The following CPNE2 variants were observed in gnomAD, a reference collection of about 807,000 sequenced individuals.
The protein encoded by CPNE2 is copine-2.
In CPNE2, 42 loss-of-function variants were observed where a neutral mutation model predicts 69.7. The observed-to-expected ratio is 0.60, with a 90% CI of 0.47 to 0.78. The LOEUF is 0.78. Among genes scored for constraint, CPNE2 ranks in the 30% least tolerant of loss-of-function variants. The pLI is 0.00. For missense variants in CPNE2, 587 were observed against 732.0 expected, an observed-to-expected ratio of 0.80 and a Z score of 2.29; for synonymous variants, 294 against 289.8, an observed-to-expected ratio of 1.01 and a Z score of -0.15.
rs751339795 is a variant in CPNE2 at position 57,125,826 on chromosome 16, G to A, written c.928-34G>A. On this transcript the variant is annotated intron_variant, in intron 10 of 15. Coordinates refer to ENST00000290776, the MANE Select transcript of CPNE2 (RefSeq NM_152727.6). The stretch of plus-strand genomic sequence containing the variant: ...GTGGGATAGGGTGCTGGGGTCTCTG[G>A]CCCCACTGGGTGGCCTTTTTCTCCA... 32 of 1,613,068 alleles carry A rather than the reference G, an allele frequency of 2.0e-5. 2 individuals carry two copies. In the South Asian group the frequency reaches 3.2e-4, roughly 16 times the overall value.
Position 57,146,293 on chromosome 16 carries a change from A to C in CPNE2, c.1511A>C (p.Gln504Pro). Reference sequence around the variant, plus strand: ...GAGGAGGCAGCCCGCGATATTGTGCAGTTCGTTCCCTTTCGAGAGTTCCGC... The same window carrying C: ...GAGGAGGCAGCCCGCGATATTGTGCCGTTCGTTCCCTTTCGAGAGTTCCGC... ...TGEEAARDIV[Q>P]FVPFREFRNA... The change falls in exon 15 of 16, where the codon CAG becomes CCG. Residue 504 changes from glutamine to proline, a missense_variant. Transcript: ENST00000290776. This position sits in a 1 kb window ranked among gnomAD's most constrained non-coding sequence, Gnocchi z 4.4. The C allele has an allele frequency of 6.4e-7, 1 of 1,554,448 alleles. No individual in the cohort carries two copies. The highest frequency in any genetic ancestry group is 8.7e-7 in the Non-Finnish European group (1 of 1,148,202).
At chr16:57,108,165 C>T (rs2145242607) in intron 1 of CPNE2, among the ~76,000 whole-genome samples, 1 of 152,252 alleles carries the variant, frequency 6.6e-6, no homozygotes, top group Non-Finnish European at 1.5e-5. Context: ...CCCACCATGC[C>T]CAGCCGAGAG....
chr16:57,125,231 C>T (rs1567670211), intron 10 of CPNE2: 2 of 454,248 alleles, frequency 4.4e-6, no homozygotes, highest in Non-Finnish European at 4.4e-6. Context: ...TGCCCATCAG[C>T]CCCGAGTCCC....
Position 57,123,464 on chromosome 16 carries a change from C to G in CPNE2, c.918C>G (p.Leu306=). ...ACTACATCCTGGGAGGCTGCCAGCT[C>G]ATGTTCACCGTAAGGCTCTCCCCGC... ...FLDYILGGCQ[L]MFTVGIDFTA... is the part of the protein sequence containing the mutation. Residue 306 remains leucine (L), a synonymous_variant, in exon 10 of 16, where the codon CTC becomes CTG. Transcript: ENST00000290776. The G allele has an allele frequency of 6.2e-7, 1 of 1,613,334 alleles. No homozygotes were observed. The highest frequency in any genetic ancestry group is 8.5e-7 in the Non-Finnish European group (1 of 1,180,014).
chr16:57,147,419 TG>T, intron 15 of CPNE2, 131 bp from the exon 16 acceptor site: 1 of 563,790 alleles, frequency 1.8e-6, no homozygotes, highest in Non-Finnish European at 3.0e-6. Flanking sequence ...CAGACAGCCC[TG>T]GCCCGCAGCC....
Position 57,102,605 on chromosome 16 carries a change from C to CT in CPNE2, c.-35-8089dup, listed in dbSNP as rs111301014. 7.8e-3 allele frequency among the ~76,000 whole-genome samples: 1,117 copies of CT among 143,992 alleles called. 13 individuals are homozygous for CT. Among genetic ancestry groups the CT allele is most frequent in the African/African-American group, 0.018 (699 of 39,576 alleles). The allele number at this position is 143,992 out of a possible 152,430, so 94.5% of individuals were successfully genotyped here. On this transcript the variant is annotated intron_variant, in intron 1 of 15. Coordinates refer to ENST00000290776, the MANE Select transcript of CPNE2 (RefSeq NM_152727.6). The stretch of plus-strand genomic sequence containing the variant: ...CAGTTTTTTGTTTTTATTTATTTCT[C>CT]TTTTTTTTTTTTTTGAGAGAGGGTC...
At position 57,146,340 on chromosome 16, in the gene CPNE2, T is replaced by C; in HGVS notation, c.1539+19T>C. 2.6e-6 allele frequency: 4 copies of C among 1,532,528 alleles called. No homozygotes were observed. Among genetic ancestry groups the C allele is most frequent in the Non-Finnish European group, 2.6e-6 (3 of 1,133,420 alleles). 94.9% of individuals were successfully genotyped at this position (1,532,528 alleles called of 1,614,324 possible). The stretch of plus-strand genomic sequence containing the variant: ...CCGCAACGTGAGTGTGGGCCTGGGC[T>C]GGGAGGGGGCGGTTACAGGATCCCA... On this transcript the variant is annotated intron_variant, in intron 15 of 15. Coordinates refer to ENST00000290776, the MANE Select transcript of CPNE2 (RefSeq NM_152727.6). The surrounding 1 kb of genome is among the most constrained non-coding windows in gnomAD (Gnocchi z 4.4).
At chr16:57,102,111 C>T (rs1211068992) in intron 1 of CPNE2, among the ~76,000 whole-genome samples, 9 of 150,052 alleles carry the variant, frequency 6.0e-5, no homozygotes, top group Admixed American at 5.4e-4. Context: ...CCATGCCCAG[C>T]TAATTTTTTT....
intron 1 of CPNE2, among the ~76,000 whole-genome samples, chr16:57,102,636 G>A (rs1209252579): frequency 6.9e-6 from 1 of 145,532 alleles, no homozygotes; most frequent in Non-Finnish European, 1.5e-5. Flanking sequence ...GGGTCTCCCT[G>A]TGTTGCCCAG....
intron 1 of CPNE2, among the ~76,000 whole-genome samples, chr16:57,103,621 C>G (rs12600010): frequency 0.06 from 9,171 of 152,284 alleles, 406 homozygotes; most frequent in East Asian, 0.21. Flanking sequence ...TCGGGGTTAC[C>G]AGGCCTCCTC....
At chr16:57,124,564 A>G (rs2069786877) in intron 10 of CPNE2, 1 of 322,120 alleles carries the variant, frequency 3.1e-6, no homozygotes. Flanking sequence ...GTGCTCCATC[A>G]TTTCTCGTTG....
At chr16:57,107,435 T>C (rs534330896) in intron 1 of CPNE2, among the ~76,000 whole-genome samples, 1 of 152,304 alleles carries the variant, frequency 6.6e-6, no homozygotes. Context: ...AGGTCTCCGC[T>C]GCCAGCCCCA....
At chr16:57,105,863 C>A (rs2069644795) in intron 1 of CPNE2, among the ~76,000 whole-genome samples, 1 of 152,170 alleles carries the variant, frequency 6.6e-6, no homozygotes. Context: ...CATCCCCCAG[C>A]CTGAAACCTC....
chr16:57,124,938 G>T, intron 10 of CPNE2: 1 of 259,792 alleles, frequency 3.8e-6, no homozygotes, highest in Non-Finnish European at 7.9e-6. Context: ...TTTGTGCCGG[G>T]CTCTAGGCTG....
At chr16:57,113,907 C>T (rs1246016789) in intron 3 of CPNE2, among the ~76,000 whole-genome samples, 1 of 152,234 alleles carries the variant, frequency 6.6e-6, no homozygotes, top group Admixed American at 6.5e-5. Context: ...GGGCTAGGCG[C>T]CCCTGACACA....
chr16:57,119,452 A>G, intron 6 of CPNE2, 109 bp from the exon 7 acceptor site: 1 of 1,141,638 alleles, frequency 8.8e-7, no homozygotes, highest in Non-Finnish European at 1.3e-6. Context: ...TGTCTCTGGA[A>G]GTGTGGCTGT....
At chr16:57,120,106 C>T (rs2069750400) in intron 7 of CPNE2, among the ~76,000 whole-genome samples, 1 of 151,548 alleles carries the variant, frequency 6.6e-6, no homozygotes, top group African/African-American at 2.4e-5. Context: ...AACCCCATCT[C>T]TACTAAAAAT....
chr16:57,112,615 G>A (rs2069688779), intron 2 of CPNE2, among the ~76,000 whole-genome samples: 1 of 152,186 alleles, frequency 6.6e-6, no homozygotes, highest in South Asian at 2.1e-4. Context: ...CAGAGGCCAG[G>A]AGGCGGGTTT....
intron 14 of CPNE2, among the ~76,000 whole-genome samples, chr16:57,140,560 C>T (rs1329306485): frequency 1.3e-5 from 2 of 151,748 alleles, no homozygotes; most frequent in African/African-American, 2.4e-5. Flanking sequence ...CTGGGAAAGG[C>T]CTGGGAGGGA....
Sources: gnomAD v4.1 joint callset for allele counts (sites outside exome capture counted in the v4.1 genomes callset) on GRCh38, gnomAD v4.1.1 for gene constraint, Gnocchi (gnomAD v3.1) non-coding constraint, MANE v1.5 for transcripts, NCBI Gene and HGNC (gene_info 2026-07-23, HGNC 2026-07-21) for gene names.